The following CFAP47 variants were observed in gnomAD, a reference collection of about 807,000 sequenced individuals.
CFAP47 encodes the protein cilia- and flagella-associated protein 47.
A neutral mutation model predicts 148.1 loss-of-function variants in CFAP47; 29 were observed. The observed-to-expected ratio is 0.20, with a 90% CI of 0.15 to 0.27. The LOEUF is 0.27. Among genes scored for constraint, CFAP47 ranks in the 10% least tolerant of loss-of-function variants. The pLI is 1.00. For synonymous variants in CFAP47, 664 were observed against 577.3 expected, an observed-to-expected ratio of 1.15 and a Z score of -2.15; for missense variants, 1,872 against 1,697.5, an observed-to-expected ratio of 1.10 and a Z score of -1.81.
At chrX:36,149,560 G>C (rs989163474) in intron 37 of CFAP47, among the ~76,000 whole-genome samples, 1 of 108,378 alleles carries the variant, frequency 9.2e-6, no homozygotes, top group Non-Finnish European at 1.9e-5. Flanking sequence ...AAGTATGTAT[G>C]TATATAATTT....
chrX:36,170,825 C>T (rs1348260538), intron 39 of CFAP47, among the ~76,000 whole-genome samples: 1 of 108,311 alleles, frequency 9.2e-6, no homozygotes, highest in Non-Finnish European at 1.9e-5. Flanking sequence ...AACGGGATGG[C>T]TGGGTCAAAT....
chrX:35,991,569 A>G (rs1393776625), intron 16 of CFAP47, among the ~76,000 whole-genome samples: 2 of 110,557 alleles, frequency 1.8e-5, no homozygotes, highest in Non-Finnish European at 3.8e-5. Context: ...TTTGGAAAAT[A>G]AAATTATTAT....
chrX:36,011,669 A>G (rs1340091642), intron 21 of CFAP47, among the ~76,000 whole-genome samples: 1 of 112,088 alleles, frequency 8.9e-6, no homozygotes, highest in Non-Finnish European at 1.9e-5. Flanking sequence ...AGAGATAAAC[A>G]CAGTAATTTC....
chrX:35,967,696 G>A lies in CFAP47; in HGVS notation c.1678G>A (p.Val560Ile). 9.1e-6 allele frequency: 11 copies of A among 1,209,833 alleles called. No homozygotes were observed. The highest frequency in any genetic ancestry group is 2.2e-5 in the Admixed American group (1 of 45,880). Residue 560 changes from valine (V) to isoleucine (I), a missense_variant, in exon 10 of 64, where the codon GTA becomes ATA. Coordinates refer to ENST00000378653, the MANE Select transcript of CFAP47 (RefSeq NM_001304548.2). ...DLAKRKNYAP[V>I]AMLQSAMTRT... Reference sequence around the variant, plus strand: ...GGCAAAACGCAAGAATTATGCACCTGTAGCAATGCTTCAATCAGCCATGAC... The same window carrying A: ...GGCAAAACGCAAGAATTATGCACCTATAGCAATGCTTCAATCAGCCATGAC...
At chrX:36,266,264 C>A (rs1002467373) in intron 49 of CFAP47, among the ~76,000 whole-genome samples, 2 of 110,424 alleles carry the variant, frequency 1.8e-5, no homozygotes, top group Non-Finnish European at 3.8e-5. Context: ...GGGATGCACT[C>A]GGGCTGGGTT....
chrX:35,981,408 A>G (rs1412938985), intron 15 of CFAP47, among the ~76,000 whole-genome samples: 2 of 108,314 alleles, frequency 1.8e-5, no homozygotes, highest in Non-Finnish European at 3.8e-5. Flanking sequence ...ACCACAAACA[A>G]TCTACAAAAG....
At chrX:35,953,812 A>G (rs1936204002) in intron 7 of CFAP47, 93 bp downstream of exon 7, 1 of 600,766 alleles carries the variant, frequency 1.7e-6, no homozygotes, top group African/African-American at 2.4e-5. Flanking sequence ...ATCTAATAAA[A>G]TATATAATTA....
Position 36,035,799 on chromosome X carries a change from G to A in CFAP47, c.3756G>A (p.Leu1252=), listed in dbSNP as rs1472042766. The change falls in exon 24 of 64, where the codon CTG becomes CTA. Residue 1252 remains leucine (L), a synonymous_variant. Coordinates refer to ENST00000378653, the MANE Select transcript of CFAP47 (RefSeq NM_001304548.2). ...FKDGTFKFSV[L]NGILRPNEKY... The stretch of plus-strand genomic sequence containing the variant: ...ACGGCACATTCAAGTTCAGTGTACT[G>A]AATGGGATTCTACGACCAAATGAAA... 3.4e-6 allele frequency: 1 copy of A among 294,405 alleles called. No individual in the cohort carries two copies. The highest frequency in any genetic ancestry group is 4.8e-5 in the East Asian group (1 of 20,857). 24.3% of individuals were successfully genotyped at this position (294,405 alleles called of 1,213,427 possible).
chrX:36,306,488 G>A (rs1941349894), intron 54 of CFAP47, among the ~76,000 whole-genome samples: 1 of 111,000 alleles, frequency 9.0e-6, no homozygotes, highest in Non-Finnish European at 1.9e-5. Flanking sequence ...TTGAAGGTTC[G>A]AACTGAGCTT....
chrX:36,244,403 A>C (rs1364088231), intron 48 of CFAP47, among the ~76,000 whole-genome samples: 2 of 111,427 alleles, frequency 1.8e-5, no homozygotes, highest in Non-Finnish European at 3.8e-5. Context: ...ACTAAATGAT[A>C]CTGAGACACA....
At position 36,350,076 on chromosome X, in the gene CFAP47, A is replaced by G; in HGVS notation, c.8642A>G (p.His2881Arg). The part of the protein sequence containing the change: ...GIDSEEIQAI[H>R]WIYPIVGLPQ... ...GACAGCGAAGAAATCCAAGCAATAC[A>G]CTGGATATACCCTATTGTTGGACTC... Residue 2881 changes from histidine (H) to arginine (R), a missense_variant, in exon 59 of 64, where the codon CAC becomes CGC. Physicochemically the swap from His to Arg is conservative, Grantham distance 29 (BLOSUM62 0). Transcript: ENST00000378653. 8.6e-7 allele frequency: 1 copy of G among 1,161,741 alleles called. No homozygotes were observed. Among genetic ancestry groups the G allele is most frequent in the South Asian group, 1.9e-5 (1 of 52,080 alleles).
At chrX:36,235,540 GA>G (rs1940448559) in intron 46 of CFAP47, among the ~76,000 whole-genome samples, 1 of 112,466 alleles carries the variant, frequency 8.9e-6, no homozygotes, top group Admixed American at 9.3e-5. Context: ...CTTTGACTAG[GA>G]AAGGGAACTC....
intron 26 of CFAP47, among the ~76,000 whole-genome samples, chrX:36,048,957 G>A (rs186263091): frequency 7.6e-4 from 84 of 111,228 alleles, no homozygotes; most frequent in African/African-American, 2.5e-3. Context: ...TGAAAAGGCA[G>A]CAGGAACAGA....
intron 57 of CFAP47, among the ~76,000 whole-genome samples, chrX:36,325,935 T>TA (rs1480520766): frequency 9.0e-6 from 1 of 111,586 alleles, no homozygotes. Flanking sequence ...ATAATTTCGT[T>TA]ACTCTCCATA....
At chrX:36,037,554 A>T (rs1374847643) in intron 24 of CFAP47, among the ~76,000 whole-genome samples, 1 of 111,214 alleles carries the variant, frequency 9.0e-6, no homozygotes, top group Non-Finnish European at 1.9e-5. Context: ...TAAGAATCAA[A>T]CATGCTTAAA....
In CFAP47 at chrX:36,300,934, T is replaced by C. The variant is rs1158545496; in HGVS notation, c.7863-138T>C. On this transcript the variant is annotated intron_variant, in intron 52 of 63. Transcript: ENST00000378653. ...ATTAAAAATACATCTACAAAAAGAG[T>C]AGTATGTGTTACAGAGTAGTTGTCA... 4 of 386,920 alleles carry C rather than the reference T, an allele frequency of 1.0e-5. No homozygotes were observed. In the Admixed American group the frequency reaches 2.2e-4, roughly 21 times the overall value. 31.9% of individuals were successfully genotyped at this position (386,920 alleles called of 1,213,427 possible). A position where few individuals can be genotyped will look rare whatever the true frequency, so the allele number is the denominator to read the frequency against.
At chrX:36,367,726 A>G (rs1859788739) in intron 62 of CFAP47, among the ~76,000 whole-genome samples, 1 of 111,287 alleles carries the variant, frequency 9.0e-6, no homozygotes, top group Non-Finnish European at 1.9e-5. Flanking sequence ...ATTTCCCTCC[A>G]TATTTCCCTC....
At chrX:36,165,744 C>T (rs188084768) in intron 39 of CFAP47, among the ~76,000 whole-genome samples, 103 of 111,253 alleles carry the variant, frequency 9.3e-4, no homozygotes, top group African/African-American at 3.3e-3. Context: ...ATTAAAACAC[C>T]GTCATTTTTT....
At chrX:36,223,977 A>G (rs1329286886) in intron 45 of CFAP47, among the ~76,000 whole-genome samples, 2 of 110,858 alleles carry the variant, frequency 1.8e-5, no homozygotes, top group Non-Finnish European at 3.8e-5. Context: ...CAATACATGT[A>G]CCTCCCTGTA....
Sources: allele counts gnomAD v4.1 joint callset (sites outside exome capture counted in the v4.1 genomes callset), GRCh38; gene constraint gnomAD v4.1.1; transcripts MANE v1.5; gene names NCBI Gene and HGNC (gene_info 2026-07-23, HGNC 2026-07-21).